Variants in CEP128 observed in about 807,000 individuals in gnomAD.
CEP128 encodes the protein centrosomal protein 128kDa.
In CEP128, 132 loss-of-function variants were observed where a neutral mutation model predicts 156.7. That is an observed-to-expected ratio of 0.84 (90% CI 0.73 to 0.97). The LOEUF is 0.97. Ranked by LOEUF, CEP128 falls within the 50% of genes least tolerant of loss-of-function variation. The probability of loss-of-function intolerance (pLI) is 0.00; values close to 1 mark genes in which losing one functional copy is unlikely to be tolerated. For missense variants in CEP128, 1,252 were observed against 1,281.9 expected (o/e 0.98, Z 0.36); for synonymous variants, 469 against 448.9 (o/e 1.04, Z -0.57).
chr14:80,575,107 T>A (rs1041054077), intron 20 of CEP128, among the ~76,000 whole-genome samples: 2 of 149,074 alleles, frequency 1.3e-5, no homozygotes, highest in African/African-American at 4.9e-5. Context: ...TATAATACAA[T>A]ATTATATATA....
chr14:80,816,130 G>C (rs1884842210), intron 13 of CEP128, among the ~76,000 whole-genome samples: 1 of 152,080 alleles, frequency 6.6e-6, no homozygotes, highest in South Asian at 2.1e-4. Context: ...ACTTATTTAA[G>C]ACAATCTATT....
rs758758311 is a variant in CEP128 at position 80,862,862 on chromosome 14, C to T, written c.657G>A (p.Arg219=). The change falls in exon 9 of 25, where the codon CGG becomes CGA. Residue 219 remains arginine, a synonymous_variant. Transcript: ENST00000555265. ...EAQKQEVVSD[R]VERRLQELER... ...CCAGTTCCTGAAGCCGCCGCTCCACCCGATCTGAAACCTTAATAAGAATTC... is the reference window on the plus strand; with the variant it reads ...CCAGTTCCTGAAGCCGCCGCTCCACTCGATCTGAAACCTTAATAAGAATTC... 1 of 1,613,370 alleles carries T rather than the reference C, an allele frequency of 6.2e-7. No individual in the cohort carries two copies. The highest frequency in any genetic ancestry group is 8.5e-7 in the Non-Finnish European group (1 of 1,179,404).
At chr14:80,506,367 G>A (rs1289459346) in intron 23 of CEP128, among the ~76,000 whole-genome samples, 1 of 145,586 alleles carries the variant, frequency 6.9e-6, no homozygotes, top group Non-Finnish European at 1.5e-5. Context: ...ACAATCAGAA[G>A]GCAATCAGGA....
At position 80,497,490 on chromosome 14, in the gene CEP128, A is replaced by T. The variant is rs537725648; in HGVS notation, c.3274T>A (p.Tyr1092Asn). ...GTSSQPKKEE[Y>N]GS ...TTACATTTGCTTTTTTAGCTCCCATATTCCTCTTTTTTGGGTTGTGAACTT... is the reference window on the plus strand; with the variant it reads ...TTACATTTGCTTTTTTAGCTCCCATTTTCCTCTTTTTTGGGTTGTGAACTT... The change falls in exon 25 of 25, where the codon TAT becomes AAT. Residue 1092 changes from tyrosine to asparagine, a missense_variant. Tyr to Asn is a moderately radical substitution (Grantham distance 143, BLOSUM62 -2). Coordinates refer to ENST00000555265, the MANE Select transcript of CEP128 (RefSeq NM_152446.5). The T allele has an allele frequency of 3.2e-5, 51 of 1,608,280 alleles. No homozygotes were observed. In the South Asian group the frequency reaches 4.9e-4, roughly 15 times the overall value.
chr14:80,847,713 T>C (rs1035670289), intron 9 of CEP128, among the ~76,000 whole-genome samples: 2 of 152,152 alleles, frequency 1.3e-5, no homozygotes, highest in African/African-American at 4.8e-5. Context: ...AGGTAATTAT[T>C]TCCCCTCTGA....
At chr14:80,670,151 A>T (rs570013794) in intron 19 of CEP128, among the ~76,000 whole-genome samples, 40 of 152,310 alleles carry the variant, frequency 2.6e-4, no homozygotes, top group Non-Finnish European at 4.6e-4. Flanking sequence ...CCCATGATAC[A>T]ATCACCTCCT....
intron 23 of CEP128, among the ~76,000 whole-genome samples, chr14:80,520,193 C>T (rs958230423): frequency 1.1e-4 from 17 of 152,114 alleles, no homozygotes; most frequent in Non-Finnish European, 4.4e-5. Flanking sequence ...TGGAAGCTTG[C>T]GGATCGCCTG....
intron 21 of CEP128, among the ~76,000 whole-genome samples, chr14:80,558,625 G>A (rs559463916): frequency 3.3e-5 from 5 of 151,940 alleles, no homozygotes; most frequent in Admixed American, 6.5e-5. Context: ...GTTTTACCAC[G>A]TTGGCCAGGC....
At chr14:80,683,672 C>T (rs1356813756) in intron 19 of CEP128, among the ~76,000 whole-genome samples, 1 of 152,128 alleles carries the variant, frequency 6.6e-6, no homozygotes, top group Admixed American at 6.6e-5. Context: ...ACATTCCTCT[C>T]TTCTGCACAT....
intron 6 of CEP128, among the ~76,000 whole-genome samples, chr14:80,490,947 G>GA (rs1887304190): frequency 1.3e-5 from 2 of 152,132 alleles, no homozygotes; most frequent in South Asian, 4.1e-4. Flanking sequence ...CAAAGTTTCT[G>GA]AATGGATAGG....
chr14:80,602,348 A>G (rs1187785757), intron 19 of CEP128, among the ~76,000 whole-genome samples: 1 of 152,240 alleles, frequency 6.6e-6, no homozygotes, highest in Admixed American at 6.5e-5. Flanking sequence ...CCTGAACAAC[A>G]GTCTAAACCA....
intron 21 of CEP128, among the ~76,000 whole-genome samples, chr14:80,544,488 T>A (rs894884885): frequency 6.6e-6 from 1 of 152,124 alleles, no homozygotes; most frequent in Non-Finnish European, 1.5e-5. Context: ...ATCTCTCTAG[T>A]ATCTTTTGCT....
At chr14:80,607,851 G>A (rs1000998112) in intron 19 of CEP128, among the ~76,000 whole-genome samples, 2 of 152,024 alleles carry the variant, frequency 1.3e-5, no homozygotes, top group African/African-American at 2.4e-5. Context: ...TCCTAAAGTC[G>A]ATTTCAGTTT....
chr14:80,641,017 T>C (rs141751376), intron 19 of CEP128, among the ~76,000 whole-genome samples: 47 of 152,324 alleles, frequency 3.1e-4, no homozygotes, highest in Middle Eastern at 3.4e-3. Context: ...TGAAGGGCCA[T>C]TATTATGAGA....
At chr14:80,825,355 AG>A (rs1885415903) in intron 13 of CEP128, among the ~76,000 whole-genome samples, 1 of 152,228 alleles carries the variant, frequency 6.6e-6, no homozygotes, top group Non-Finnish European at 1.5e-5. Context: ...GCAATCCTCC[AG>A]CCTTAGCCTC....
intron 6 of CEP128, among the ~76,000 whole-genome samples, chr14:80,903,596 T>G (rs1166498802): frequency 1.3e-5 from 2 of 151,422 alleles, no homozygotes; most frequent in Non-Finnish European, 2.9e-5. Context: ...CTGCAAACCA[T>G]ATGTCTGACA....
At chr14:80,632,060 T>C (rs1165181521) in intron 19 of CEP128, among the ~76,000 whole-genome samples, 2 of 152,120 alleles carry the variant, frequency 1.3e-5, no homozygotes, top group Non-Finnish European at 2.9e-5. Flanking sequence ...AGTCACCTGA[T>C]TAAAAAGGTG....
chr14:80,829,715 A>C (rs998775626), intron 13 of CEP128, among the ~76,000 whole-genome samples: 10 of 152,168 alleles, frequency 6.6e-5, no homozygotes, highest in African/African-American at 2.4e-4. Context: ...CCTTTCCTCC[A>C]ATTGTTTTTC....
chr14:80,639,116 C>A (rs1413495906), intron 19 of CEP128, among the ~76,000 whole-genome samples: 2 of 151,408 alleles, frequency 1.3e-5, no homozygotes, highest in Non-Finnish European at 2.9e-5. Flanking sequence ...GGTATTTAAC[C>A]AAAAAAAATC....
Sources: gnomAD v4.1 joint callset for allele counts (sites outside exome capture counted in the v4.1 genomes callset) on GRCh38, gnomAD v4.1.1 for gene constraint, MANE v1.5 for transcripts, NCBI Gene and HGNC (gene_info 2026-07-23, HGNC 2026-07-21) for gene names.